Variants in RPS6KC1 observed in about 807,000 individuals in gnomAD.
The protein encoded by RPS6KC1 is inactive ribosomal protein S6 kinase delta-1.
A neutral mutation model predicts 103.8 loss-of-function variants in RPS6KC1; 54 were observed. The observed-to-expected ratio is 0.52, with a 90% CI of 0.42 to 0.65. The LOEUF is 0.65. Ranked by LOEUF, RPS6KC1 falls within the 30% of genes least tolerant of loss-of-function variation. The probability of loss-of-function intolerance (pLI) is 0.00; values close to 1 mark genes in which losing one functional copy is unlikely to be tolerated. For synonymous variants in RPS6KC1, 439 were observed against 438.7 expected, an observed-to-expected ratio of 1.00 and a Z score of -0.01; for missense variants, 1,151 against 1,253.8, an observed-to-expected ratio of 0.92 and a Z score of 1.24.
the RPS6KC1 span, among the ~76,000 whole-genome samples, chr1:213,449,253 T>G: frequency 6.6e-6 from 1 of 152,328 alleles, no homozygotes; most frequent in Non-Finnish European, 1.5e-5. Flanking sequence ...AGAGATTGAT[T>G]TAGTCTATTT....
chr1:213,286,731 T>A, the RPS6KC1 span, among the ~76,000 whole-genome samples: 196 of 152,344 alleles, frequency 1.3e-3, 1 homozygote, highest in African/African-American at 4.6e-3. Flanking sequence ...CTTCAATGGA[T>A]GGATACAGGC....
chr1:213,257,022 C>T lies in RPS6KC1; in HGVS notation c.2912-4536C>T, dbSNP rs149403755. Among the ~76,000 whole-genome samples the T allele has an allele frequency of 2.2e-4, 33 of 152,176 alleles. No individual in the cohort carries two copies. The East Asian group carries it at 6.2e-3, about 29-fold the overall frequency. On this transcript the variant is annotated intron_variant, in intron 12 of 14. Coordinates refer to ENST00000366960, the MANE Select transcript of RPS6KC1 (RefSeq NM_012424.6). ...TCCATGCAAATTTTACATTGTGTTC[C>T]ATAATAGGTCTATTTATTTTAAAAA... is the stretch of plus-strand genomic sequence containing the variant.
the RPS6KC1 span, among the ~76,000 whole-genome samples, chr1:213,647,903 G>A: frequency 1.8e-3 from 274 of 152,032 alleles, no homozygotes; most frequent in African/African-American, 6.1e-3. Context: ...TTATTTACTC[G>A]TGGATGGGTG....
downstream of RPS6KC1, among the ~76,000 whole-genome samples, chr1:213,275,229 C>G (rs2095109940): frequency 6.6e-6 from 1 of 152,084 alleles, no homozygotes; most frequent in Non-Finnish European, 1.5e-5. Flanking sequence ...TGGATTGTTT[C>G]TACATTTTGG....
intron 3 of RPS6KC1, among the ~76,000 whole-genome samples, chr1:213,101,567 T>C (rs1410830257): frequency 6.6e-6 from 1 of 152,222 alleles, no homozygotes; most frequent in African/African-American, 2.4e-5. Flanking sequence ...CAATTTTTTT[T>C]TGTATTTGTT....
At chr1:213,065,692 T>A (rs1237401061) in intron 1 of RPS6KC1, among the ~76,000 whole-genome samples, 1 of 152,238 alleles carries the variant, frequency 6.6e-6, no homozygotes, top group East Asian at 1.9e-4. Flanking sequence ...ATTGTATTTT[T>A]ATAATGCAGT....
chr1:213,774,531 G>A, the RPS6KC1 span, among the ~76,000 whole-genome samples: 1 of 152,172 alleles, frequency 6.6e-6, no homozygotes, highest in African/African-American at 2.4e-5. Context: ...CAAACAAGGG[G>A]TGAAATAGAA....
chr1:213,473,415 A>G, the RPS6KC1 span, among the ~76,000 whole-genome samples: 1 of 152,174 alleles, frequency 6.6e-6, no homozygotes, highest in South Asian at 2.1e-4. Context: ...CTTTCCCTCA[A>G]CTTAGTTCCT....
the RPS6KC1 span, among the ~76,000 whole-genome samples, chr1:213,328,265 G>C: frequency 1.3e-5 from 2 of 151,872 alleles, no homozygotes; most frequent in African/African-American, 4.8e-5. Flanking sequence ...GGTGGACTCT[G>C]AAAGGTTACC....
chr1:213,850,095 T>G, the RPS6KC1 span, among the ~76,000 whole-genome samples: 1 of 152,230 alleles, frequency 6.6e-6, no homozygotes, highest in Non-Finnish European at 1.5e-5. Flanking sequence ...TATTTTTCTT[T>G]TCTGCCCCTC....
At chr1:213,308,175 G>A in the RPS6KC1 span, among the ~76,000 whole-genome samples, 1 of 151,954 alleles carries the variant, frequency 6.6e-6, no homozygotes, top group Non-Finnish European at 1.5e-5. Context: ...TGAGCTGGAT[G>A]TGGTGGTGGG....
chr1:213,674,931 G>T, the RPS6KC1 span, among the ~76,000 whole-genome samples: 1 of 152,102 alleles, frequency 6.6e-6, no homozygotes, highest in East Asian at 1.9e-4. Flanking sequence ...CCACTTGTAT[G>T]TCTTCTTTTG....
chr1:213,719,363 G>A, the RPS6KC1 span, among the ~76,000 whole-genome samples: 572 of 152,274 alleles, frequency 3.8e-3, 2 homozygotes, highest in Middle Eastern at 6.8e-3. Context: ...AAGTGGAGGG[G>A]AAACCAACAG....
At chr1:213,852,390 T>C in the RPS6KC1 span, among the ~76,000 whole-genome samples, 1 of 152,062 alleles carries the variant, frequency 6.6e-6, no homozygotes, top group Non-Finnish European at 1.5e-5. Flanking sequence ...TTACCTAATT[T>C]TTTTTTTTAC....
chr1:213,561,044 T>G, the RPS6KC1 span, among the ~76,000 whole-genome samples: 2 of 152,212 alleles, frequency 1.3e-5, no homozygotes, highest in South Asian at 4.1e-4. Context: ...TTCCTTGAGA[T>G]TTATAAGCTG....
chr1:213,152,552 C>T (rs1277313918), intron 6 of RPS6KC1, among the ~76,000 whole-genome samples: 10 of 145,872 alleles, frequency 6.9e-5, no homozygotes, highest in African/African-American at 1.5e-4. Context: ...TGCTCCTCAC[C>T]TCCCAGACGG....
At chr1:213,740,656 G>GAT in the RPS6KC1 span, among the ~76,000 whole-genome samples, 1 of 148,346 alleles carries the variant, frequency 6.7e-6, no homozygotes, top group East Asian at 2.0e-4. Context: ...ATATCTCTCA[G>GAT]ATATATATAC....
chr1:213,610,584 C>A, the RPS6KC1 span, among the ~76,000 whole-genome samples: 2 of 152,158 alleles, frequency 1.3e-5, no homozygotes, highest in African/African-American at 4.8e-5. Context: ...AATGATTCAG[C>A]CTTTCTCCCT....
At chr1:213,751,631 G>C in the RPS6KC1 span, among the ~76,000 whole-genome samples, 1 of 152,154 alleles carries the variant, frequency 6.6e-6, no homozygotes, top group African/African-American at 2.4e-5. Context: ...CCAGAGGAGA[G>C]CAGATATTAA....
Sources: gnomAD v4.1 joint callset for allele counts (sites outside exome capture counted in the v4.1 genomes callset) on GRCh38, gnomAD v4.1.1 for gene constraint, MANE v1.5 for transcripts, NCBI Gene and HGNC (gene_info 2026-07-23, HGNC 2026-07-21) for gene names.